Variants in ZNF343 observed in about 807,000 individuals in gnomAD.
ZNF343 encodes zinc finger protein 343.
ZNF343 carries 11 observed loss-of-function variants against 13.8 expected under a neutral mutation model. The ratio of observed to expected loss-of-function variants is 0.80; its 90% CI spans 0.50 to 1.32. ZNF343 has a LOEUF of 1.32. Ranked by LOEUF, ZNF343 falls within the 40% of genes most tolerant of loss-of-function variation. ZNF343 has a pLI of 0.00. For missense variants in ZNF343, 658 were observed against 714.2 expected, an observed-to-expected ratio of 0.92 and a Z score of 0.90; for synonymous variants, 248 against 260.0, an observed-to-expected ratio of 0.95 and a Z score of 0.44.
At chr20:2,497,878 G>A (rs1013691281) in intron 2 of ZNF343, among the ~76,000 whole-genome samples, 4 of 139,936 alleles carry the variant, frequency 2.9e-5, no homozygotes, top group Admixed American at 7.0e-5. Context: ...CACCCGCCCC[G>A]GCTCCTTCAT....
intron 1 of ZNF343, among the ~76,000 whole-genome samples, chr20:2,507,387 A>G (rs1301341285): frequency 6.6e-6 from 1 of 152,190 alleles, no homozygotes. Context: ...GGACATCAGA[A>G]TACAGTCTGC....
chr20:2,498,056 T>C (rs1035948877), intron 2 of ZNF343, among the ~76,000 whole-genome samples: 2 of 152,140 alleles, frequency 1.3e-5, no homozygotes, highest in Non-Finnish European at 2.9e-5. Flanking sequence ...GGGAAAGTAC[T>C]CATATATAAA....
At chr20:2,488,076 C>T (rs533845805) in intron 5 of ZNF343, among the ~76,000 whole-genome samples, 45 of 152,284 alleles carry the variant, frequency 3.0e-4, no homozygotes, top group African/African-American at 1.0e-3. Context: ...ATGTGATATA[C>T]TGTATGTGGC....
At chr20:2,519,779 G>A (rs1210815530) in intron 1 of ZNF343, among the ~76,000 whole-genome samples, 1 of 152,174 alleles carries the variant, frequency 6.6e-6, no homozygotes, top group Non-Finnish European at 1.5e-5. Flanking sequence ...CTGAACCTTA[G>A]TTGAAAGTGT....
Position 2,493,944 on chromosome 20 carries a change from A to G in ZNF343, c.-49T>C. ...TGCCTTGAAATTCTGCCAGAGGTCC[A>G]GGTAGATGTTATTTCATCTCAAGAT... On this transcript the variant is annotated 5_prime_UTR_variant, in exon 3 of 6. Transcript: ENST00000278772. 1.6e-6 allele frequency: 2 copies of G among 1,246,076 alleles called. No individual in the cohort carries two copies. The highest frequency in any genetic ancestry group is 2.4e-6 in the Non-Finnish European group (2 of 845,920). 77.2% of individuals were successfully genotyped at this position (1,246,076 alleles called of 1,614,324 possible).
intron 2 of ZNF343, among the ~76,000 whole-genome samples, chr20:2,498,684 A>C (rs2085502959): frequency 6.6e-6 from 1 of 152,254 alleles, no homozygotes. Context: ...ACTACCTTAT[A>C]GGAATTATCT....
intron 3 of ZNF343, 58 bp downstream of exon 3, chr20:2,493,720 G>A (rs1417921183): frequency 6.7e-7 from 1 of 1,494,926 alleles, no homozygotes. Context: ...AGCATTTTCA[G>A]GTGAACCTGG....
chr20:2,500,102 A>G (rs994035340), intron 2 of ZNF343, among the ~76,000 whole-genome samples: 28 of 152,242 alleles, frequency 1.8e-4, no homozygotes, highest in African/African-American at 6.7e-4. Flanking sequence ...TCCAGCAGCA[A>G]AAACAAGAAA....
rs896300876 is a variant in ZNF343 at position 2,500,705 on chromosome 20, C to G, written c.-199G>C. 1 of 152,156 alleles carries G rather than the reference C, an allele frequency of 6.6e-6. No individual in the cohort carries two copies. Among genetic ancestry groups the G allele is most frequent in the African/African-American group, 2.4e-5 (1 of 41,400 alleles). The allele number at this position is 152,156 out of a possible 1,614,324, so 9.4% of individuals were successfully genotyped here. On this transcript the variant is annotated 5_prime_UTR_variant, in exon 2 of 6. Transcript: ENST00000278772. ...AGAAGTCTTTCCTTTCTCAAGAGAT[C>G]GTCCTCTCCCAGCAGGCAGGGATTG... is the stretch of plus-strand genomic sequence containing the variant.
chr20:2,497,897 T>C (rs2085487306), intron 2 of ZNF343, among the ~76,000 whole-genome samples: 1 of 143,022 alleles, frequency 7.0e-6, no homozygotes, highest in South Asian at 2.5e-4. Context: ...ATATGGCTCC[T>C]CCATATGGCT....
intron 1 of ZNF343, among the ~76,000 whole-genome samples, chr20:2,514,110 T>C (rs2085749586): frequency 1.3e-5 from 2 of 151,952 alleles, no homozygotes; most frequent in African/African-American, 4.8e-5. Context: ...AATGAGAAAA[T>C]AAATAGAAAA....
intron 1 of ZNF343, among the ~76,000 whole-genome samples, chr20:2,504,067 G>C (rs2085614525): frequency 6.6e-6 from 1 of 152,038 alleles, no homozygotes; most frequent in South Asian, 2.1e-4. Context: ...CCGCTAGCAA[G>C]ACTAATAAAG....
At chr20:2,489,203 T>C (rs2085328048) in intron 5 of ZNF343, among the ~76,000 whole-genome samples, 1 of 152,240 alleles carries the variant, frequency 6.6e-6, no homozygotes, top group African/African-American at 2.4e-5. Flanking sequence ...TGTCGTGATA[T>C]TTAGAATTAA....
At chr20:2,485,936 T>C (rs1194256663) in intron 5 of ZNF343, among the ~76,000 whole-genome samples, 1 of 152,212 alleles carries the variant, frequency 6.6e-6, no homozygotes. Context: ...CCTGAGTCTG[T>C]TTGGTTTACT....
intron 5 of ZNF343, among the ~76,000 whole-genome samples, chr20:2,486,343 T>G (rs1392368428): frequency 6.6e-6 from 1 of 152,268 alleles, no homozygotes; most frequent in Non-Finnish European, 1.5e-5. Context: ...TTAGATTTAC[T>G]GAGGCCATTT....
At chr20:2,517,355 T>A (rs1350822406) in intron 1 of ZNF343, among the ~76,000 whole-genome samples, 4 of 89,356 alleles carry the variant, frequency 4.5e-5, no homozygotes, top group East Asian at 4.2e-4. Context: ...ATTCAGCCAA[T>A]GTATATGTGT....
upstream of ZNF343, among the ~76,000 whole-genome samples, chr20:2,513,802 A>G (rs750399414): frequency 1.3e-4 from 20 of 152,276 alleles, 1 homozygote; most frequent in Admixed American, 2.6e-4. Context: ...TTCAGCCATA[A>G]AAGTATTGAT....
At position 2,483,941 on chromosome 20, in the gene ZNF343, G is replaced by A. The variant is rs2085232788; in HGVS notation, c.1020C>T (p.Leu340=). 3 of 1,614,142 alleles carry A rather than the reference G, an allele frequency of 1.9e-6. No individual in the cohort carries two copies. Among genetic ancestry groups the A allele is most frequent in the South Asian group, 1.1e-5 (1 of 91,072 alleles). ...CGQSFRSKSI[L]NRHQWTHSEE... ...CTGAGTGAGTCCACTGATGTCTATT[G>A]AGGATGGACTTACTTCTAAAGCTTT... is the stretch of plus-strand genomic sequence containing the variant. Residue 340 remains leucine (L), a synonymous_variant, in exon 6 of 6, where the codon CTC becomes CTT. Coordinates refer to ENST00000278772, the MANE Select transcript of ZNF343 (RefSeq NM_024325.6).
At chr20:2,496,002 T>C (rs1227217825) in intron 2 of ZNF343, among the ~76,000 whole-genome samples, 1 of 152,058 alleles carries the variant, frequency 6.6e-6, no homozygotes, top group Non-Finnish European at 1.5e-5. Flanking sequence ...ATTCCAACAT[T>C]TGGGACACTG....
Sources: gnomAD v4.1 joint callset for allele counts (sites outside exome capture counted in the v4.1 genomes callset) on GRCh38, gnomAD v4.1.1 for gene constraint, MANE v1.5 for transcripts, NCBI Gene and HGNC (gene_info 2026-07-23, HGNC 2026-07-21) for gene names.